The following PHLPP2 variants were observed in gnomAD, a reference collection of about 807,000 sequenced individuals.
The protein encoded by PHLPP2 is PH domain and leucine rich repeat protein phosphatase 2, also known as PH domain leucine-rich repeat-containing protein phosphatase 2.
PHLPP2 carries 66 observed loss-of-function variants against 124.9 expected under a neutral mutation model. That is an observed-to-expected ratio of 0.53 (90% CI 0.43 to 0.65). The LOEUF is 0.65. PHLPP2 is among the 30% of genes least tolerant of loss of function. PHLPP2 has a pLI of 0.00. For synonymous variants in PHLPP2, 681 were observed against 624.7 expected (o/e 1.09, Z -1.34); for missense variants, 1,685 against 1,600.4 (o/e 1.05, Z -0.90).
rs1337280183 is a variant in PHLPP2 at position 71,649,309 on chromosome 16, G to A, written c.3553C>T (p.Leu1185Phe). 1 of 1,613,738 alleles carries A rather than the reference G, an allele frequency of 6.2e-7. No homozygotes were observed. The highest frequency in any genetic ancestry group is 2.2e-5 in the East Asian group (1 of 44,876). The change falls in exon 19 of 19, where the codon CTC (leucine) becomes TTC (phenylalanine). Residue 1185 changes from leucine (L) to phenylalanine (F), a missense_variant. By Grantham distance (22) the Leu-to-Phe change is conservative. Coordinates refer to ENST00000568954, the MANE Select transcript of PHLPP2 (RefSeq NM_015020.3). Reference protein sequence around the residue: ...RGRDLENSPPLIESSPTLCSE... With the variant: ...RGRDLENSPPFIESSPTLCSE... ...CACAGGGTAGGAGAACTCTCTATGA[G>A]AGGGGGTGAGTTCTCCAGATCCCTC...
intron 1 of PHLPP2, 89 bp from the exon 2 acceptor site, chr16:71,714,890 T>C (rs544659545): frequency 2.7e-6 from 4 of 1,477,456 alleles, no homozygotes; most frequent in Admixed American, 2.3e-5. Context: ...CTCTACTTTA[T>C]ATTCCCCAAC....
intron 1 of PHLPP2, among the ~76,000 whole-genome samples, chr16:71,720,249 G>A (rs951966336): frequency 1.3e-5 from 2 of 151,656 alleles, no homozygotes; most frequent in Non-Finnish European, 2.9e-5. Context: ...GATTACAGGC[G>A]TGAGCCACCG....
At chr16:71,700,947 C>T (rs2045226502) in intron 3 of PHLPP2, among the ~76,000 whole-genome samples, 1 of 152,262 alleles carries the variant, frequency 6.6e-6, no homozygotes, top group Non-Finnish European at 1.5e-5. Context: ...TGTCTCATCA[C>T]TGGGGAAACT....
Position 71,702,613 on chromosome 16 carries a change from T to C in PHLPP2, c.403A>G (p.Ile135Val). The C allele has an allele frequency of 6.2e-7, 1 of 1,610,052 alleles. No homozygotes were observed. The highest frequency in any genetic ancestry group is 1.1e-5 in the South Asian group (1 of 90,712). Residue 135 changes from isoleucine (I) to valine (V), a missense_variant, in exon 3 of 19, where the codon ATT becomes GTT. Transcript: ENST00000568954. ...EATNPDLGCM[I>V]RFYGEKPCHM... ...AAATTCTTACCACCATAAAATCGAA[T>C]CATACAGCCGAGGTCAGGATTTGTA...
At chr16:71,694,746 G>A (rs187443352) in intron 3 of PHLPP2, among the ~76,000 whole-genome samples, 2 of 151,730 alleles carry the variant, frequency 1.3e-5, no homozygotes, top group African/African-American at 2.4e-5. Context: ...CTAGTAATCA[G>A]GGGAAAAAAA....
At chr16:71,669,414 G>T in intron 10 of PHLPP2, 44 bp from the exon 11 acceptor site, 1 of 1,377,958 alleles carries the variant, frequency 7.3e-7, no homozygotes, top group African/African-American at 1.4e-5. Flanking sequence ...AAGATGACAA[G>T]TGGAACTCAT....
chr16:71,663,706 A>G (rs1046000515), intron 13 of PHLPP2, among the ~76,000 whole-genome samples, 193 bp downstream of exon 13: 3 of 152,142 alleles, frequency 2.0e-5, no homozygotes, highest in Non-Finnish European at 1.5e-5. Context: ...ATTTTAACCA[A>G]TTTTCCTGGT....
chr16:71,661,007 C>T (rs565064838), intron 13 of PHLPP2, among the ~76,000 whole-genome samples: 1 of 150,892 alleles, frequency 6.6e-6, no homozygotes, highest in Non-Finnish European at 1.5e-5. Context: ...GAATTCCATT[C>T]AGTTTTATTA....
rs149032395 is a variant in PHLPP2 at position 71,653,307 on chromosome 16, G to A, written c.2586-286C>T. 1.4e-3 allele frequency among the ~76,000 whole-genome samples: 209 copies of A among 152,030 alleles called. 2 individuals are homozygous for A. Among genetic ancestry groups the A allele is most frequent in the African/African-American group, 4.8e-3 (198 of 41,506 alleles). ...TGATCAAAGACTTCCTAATTCAGGG[G>A]CTCTCAAACTTTAACACATCAGAAT... is the stretch of plus-strand genomic sequence containing the variant. On this transcript the variant is annotated intron_variant, in intron 17 of 18. Transcript: ENST00000568954.
chr16:71,712,969 A>G (rs1260371036), intron 2 of PHLPP2, among the ~76,000 whole-genome samples: 1 of 152,214 alleles, frequency 6.6e-6, no homozygotes, highest in Non-Finnish European at 1.5e-5. Flanking sequence ...TTGACAACTA[A>G]TTCAAAGAAC....
chr16:71,723,737 T>TCGCC (rs1250438424), intron 1 of PHLPP2: 2 of 1,047,522 alleles, frequency 1.9e-6, no homozygotes, highest in African/African-American at 3.4e-5. Flanking sequence ...GCTCGCCCGC[T>TCGCC]CGCTCGCTCG....
At chr16:71,716,229 A>G (rs1306439838) in intron 1 of PHLPP2, among the ~76,000 whole-genome samples, 3 of 152,214 alleles carry the variant, frequency 2.0e-5, no homozygotes, top group Admixed American at 2.0e-4. Flanking sequence ...TTTGCTTCCA[A>G]TTTTTCACTG....
chr16:71,714,658 G>C lies in PHLPP2; in HGVS notation c.138C>G (p.Thr46=). The C allele has an allele frequency of 1.9e-6, 3 of 1,613,154 alleles. No individual in the cohort carries two copies. Among genetic ancestry groups the C allele is most frequent in the Non-Finnish European group, 2.5e-6 (3 of 1,179,228 alleles). The change falls in exon 2 of 19, where the codon ACC becomes ACG. Residue 46 remains threonine, a synonymous_variant. Coordinates refer to ENST00000568954, the MANE Select transcript of PHLPP2 (RefSeq NM_015020.3). ...YGADTTTATT[T]TTTSSSSSSS... ...AGGAAGAGGAAGAGGAGGTGGTGGTGGTTGTAGTGGCAGTGGTAGTGTCTG... is the reference window on the plus strand; with the variant it reads ...AGGAAGAGGAAGAGGAGGTGGTGGTCGTTGTAGTGGCAGTGGTAGTGTCTG...
intron 3 of PHLPP2, among the ~76,000 whole-genome samples, chr16:71,701,327 C>CTAT (rs1567626560): frequency 0.054 from 12 of 222 alleles, no homozygotes; most frequent in African/African-American, 0.019. Flanking sequence ...TATCTATCTA[C>CTAT]CTACCTACCT....
intron 4 of PHLPP2, 122 bp from the exon 5 acceptor site, chr16:71,684,723 TCTCC>T: frequency 1.1e-6 from 1 of 916,376 alleles, no homozygotes; most frequent in East Asian, 2.8e-5. Context: ...ATTTTTTCTC[TCTCC>T]CTCCTTGTCC....
At chr16:71,722,205 G>A (rs924552757) in intron 1 of PHLPP2, among the ~76,000 whole-genome samples, 1 of 152,154 alleles carries the variant, frequency 6.6e-6, no homozygotes, top group African/African-American at 2.4e-5. Context: ...GCCAAGGCGG[G>A]CGGATCACTG....
intron 3 of PHLPP2, among the ~76,000 whole-genome samples, chr16:71,694,499 C>G (rs182771423): frequency 2.0e-5 from 3 of 151,726 alleles, no homozygotes; most frequent in Admixed American, 1.3e-4. Flanking sequence ...TAAACAGTGA[C>G]TAAATAAAAA....
Position 71,679,447 on chromosome 16 carries a change from G to A in PHLPP2, c.979C>T (p.Leu327Phe), listed in dbSNP as rs916406527. ...TGAAATCCATTACAGGAAAGGTTGA[G>A]CTCAGTCAGGGTAGAGATCTCGCAT... The part of the protein sequence containing the change: ...LLCEISTLTE[L>F]NLSCNGFHDL... The change falls in exon 7 of 19, where the codon CTC becomes TTC. Residue 327 changes from leucine (L) to phenylalanine (F), a missense_variant. Physicochemically the swap from Leu to Phe is conservative, Grantham distance 22. Coordinates refer to ENST00000568954, the MANE Select transcript of PHLPP2 (RefSeq NM_015020.3). 6.2e-7 allele frequency: 1 copy of A among 1,613,770 alleles called. No individual in the cohort carries two copies. The highest frequency in any genetic ancestry group is 8.5e-7 in the Non-Finnish European group (1 of 1,179,666).
intron 9 of PHLPP2, among the ~76,000 whole-genome samples, chr16:71,674,176 CA>C (rs2044921990): frequency 6.6e-6 from 1 of 151,332 alleles, no homozygotes; most frequent in Non-Finnish European, 1.5e-5. Context: ...CTCCGGGGTT[CA>C]AGCAATTCTC....
Sources: gnomAD v4.1 joint callset for allele counts (sites outside exome capture counted in the v4.1 genomes callset) on GRCh38, gnomAD v4.1.1 for gene constraint, MANE v1.5 for transcripts, NCBI Gene and HGNC (gene_info 2026-07-23, HGNC 2026-07-21) for gene names.